Variants in RAB31 observed in about 807,000 individuals in gnomAD.
The protein encoded by RAB31 is RAB31, member RAS oncogene family.
In RAB31, 21 loss-of-function variants were observed where a neutral mutation model predicts 25.6. That is an observed-to-expected ratio of 0.82 (90% CI 0.58 to 1.18). RAB31 has a LOEUF of 1.18. RAB31 is among the 50% of genes most tolerant of loss of function. RAB31 has a pLI of 0.00. For synonymous variants in RAB31, 87 were observed against 84.0 expected (o/e 1.04, Z -0.20); for missense variants, 196 against 250.1 (o/e 0.78, Z 1.46).
chr18:9,848,952 A>G (rs554605554), intron 6 of RAB31, among the ~76,000 whole-genome samples: 2 of 152,308 alleles, frequency 1.3e-5, no homozygotes, highest in East Asian at 3.9e-4. Context: ...GCTACCCTGT[A>G]AAGGATTTAG....
rs2068319385 is a variant in RAB31, at chr18:9,766,949, C to T, written c.40-8329C>T. 6.6e-6 allele frequency among the ~76,000 whole-genome samples: 1 copy of T among 152,086 alleles called. No individual in the cohort carries two copies. The highest frequency in any genetic ancestry group is 6.6e-5 in the Admixed American group (1 of 15,258). On this transcript the variant is annotated intron_variant, in intron 1 of 6. Transcript: ENST00000578921. This position sits in a 1 kb window ranked among gnomAD's most constrained non-coding sequence, Gnocchi z 4.3. Reference sequence around the variant, plus strand: ...TCCAGCCTGGGTGACAGAGTGAGATCTTGTCTCAAAACAAACAAACAAAAC... The same window carrying T: ...TCCAGCCTGGGTGACAGAGTGAGATTTTGTCTCAAAACAAACAAACAAAAC...
intron 3 of RAB31, among the ~76,000 whole-genome samples, chr18:9,807,126 C>T (rs553631610): frequency 4.6e-5 from 7 of 152,272 alleles, no homozygotes; most frequent in African/African-American, 9.6e-5. Flanking sequence ...GTCTGAAGGC[C>T]GTGCTGGCTA....
At chr18:9,789,666 G>T (rs1232222651) in intron 2 of RAB31, among the ~76,000 whole-genome samples, 10 of 152,066 alleles carry the variant, frequency 6.6e-5, no homozygotes, top group Non-Finnish European at 1.0e-4. Context: ...TTTCTTTCTG[G>T]TTTTTTGAAT....
chr18:9,719,806 G>C (rs1204485923), intron 1 of RAB31, among the ~76,000 whole-genome samples: 1 of 152,096 alleles, frequency 6.6e-6, no homozygotes, highest in Non-Finnish European at 1.5e-5. Flanking sequence ...GGCATCCAAG[G>C]CTTCGCTTTT....
intron 2 of RAB31, among the ~76,000 whole-genome samples, chr18:9,789,978 C>G (rs1489829384): frequency 6.6e-6 from 1 of 151,994 alleles, no homozygotes; most frequent in Non-Finnish European, 1.5e-5. Flanking sequence ...GGTAGTTGGC[C>G]TCTTATTCTT....
chr18:9,718,922 C>G (rs546622285), intron 1 of RAB31, among the ~76,000 whole-genome samples: 5 of 151,986 alleles, frequency 3.3e-5, no homozygotes, highest in African/African-American at 9.7e-5. Context: ...TTTCAACATA[C>G]AAATTTTGGG....
chr18:9,852,120 G>A (rs1961169816), intron 6 of RAB31, among the ~76,000 whole-genome samples: 1 of 152,042 alleles, frequency 6.6e-6, no homozygotes, highest in African/African-American at 2.4e-5. Flanking sequence ...ATATACACAA[G>A]TGCACTGAAT....
chr18:9,776,948 G>A (rs2068375152), intron 2 of RAB31, among the ~76,000 whole-genome samples: 1 of 152,058 alleles, frequency 6.6e-6, no homozygotes, highest in South Asian at 2.1e-4. Context: ...GACGCTCAAA[G>A]GTAATACTCA....
At chr18:9,847,173 A>C (rs370216525) in intron 6 of RAB31, among the ~76,000 whole-genome samples, 1 of 152,232 alleles carries the variant, frequency 6.6e-6, no homozygotes, top group East Asian at 1.9e-4. Flanking sequence ...AACTCATTAC[A>C]TTAGCCTCAC....
intron 2 of RAB31, chr18:9,786,634 AC>A: frequency 6.6e-6 from 1 of 151,882 alleles, no homozygotes; most frequent in Non-Finnish European, 1.5e-5. Context: ...TGGTGGGAGA[AC>A]CCCCCACAGA....
rs559163617 is a variant in RAB31 at position 9,861,764 on chromosome 18, G to C, written c.*2439G>C. On this transcript the variant is annotated 3_prime_UTR_variant, in exon 7 of 7. Transcript: ENST00000578921. ...TCCTTCTCCCTTTTTTTTTTCTTTCGTGTGTGGCATGAGTGTGTATCTGTG... is the reference window on the plus strand; with the variant it reads ...TCCTTCTCCCTTTTTTTTTTCTTTCCTGTGTGGCATGAGTGTGTATCTGTG... 7 of 149,268 alleles carry C rather than the reference G, an allele frequency of 4.7e-5. No individual in the cohort carries two copies. Among genetic ancestry groups the C allele is most frequent in the Non-Finnish European group, 1.0e-4 (7 of 67,452 alleles). 9.2% of individuals were successfully genotyped at this position (149,268 alleles called of 1,614,324 possible).
chr18:9,793,798 T>G (rs2068473595), intron 3 of RAB31, among the ~76,000 whole-genome samples: 2 of 152,250 alleles, frequency 1.3e-5, no homozygotes, highest in Admixed American at 6.5e-5. Flanking sequence ...GAATTTTCCC[T>G]TGTCTGATCC....
chr18:9,846,601 T>C lies in RAB31; in HGVS notation c.490+910T>C, dbSNP rs78685997. Reference sequence around the variant, plus strand: ...AAACAGTAATTGTCCTCAAATATCTTAGCTCCAGACAACTCCAGAAGGGAA... The same window carrying C: ...AAACAGTAATTGTCCTCAAATATCTCAGCTCCAGACAACTCCAGAAGGGAA... On this transcript the variant is annotated intron_variant, in intron 6 of 6. Coordinates refer to ENST00000578921, the MANE Select transcript of RAB31 (RefSeq NM_006868.4). 4.9e-4 allele frequency among the ~76,000 whole-genome samples: 74 copies of C among 152,328 alleles called. 1 individual carries two copies. The East Asian group carries it at 0.013, about 26-fold the overall frequency.
At chr18:9,755,814 C>T (rs1436534895) in intron 1 of RAB31, among the ~76,000 whole-genome samples, 1 of 152,196 alleles carries the variant, frequency 6.6e-6, no homozygotes, top group Middle Eastern at 3.2e-3. Flanking sequence ...CCTCAGGAGG[C>T]CTGGACAATG....
At chr18:9,807,011 A>G (rs1470149244) in intron 3 of RAB31, among the ~76,000 whole-genome samples, 1 of 152,200 alleles carries the variant, frequency 6.6e-6, no homozygotes, top group South Asian at 2.1e-4. Context: ...TTTGGAGCTC[A>G]CTGGATATCT....
At chr18:9,847,294 C>T (rs1397887368) in intron 6 of RAB31, among the ~76,000 whole-genome samples, 1 of 152,218 alleles carries the variant, frequency 6.6e-6, no homozygotes, top group African/African-American at 2.4e-5. Flanking sequence ...AGCTAGATAG[C>T]TCCTGAGGAC....
intron 1 of RAB31, among the ~76,000 whole-genome samples, chr18:9,725,193 A>G (rs1456748733): frequency 6.6e-6 from 1 of 152,214 alleles, no homozygotes; most frequent in Admixed American, 6.5e-5. Flanking sequence ...CACAGATCCC[A>G]GAATGCCATT....
chr18:9,748,637 A>G (rs2068217863), intron 1 of RAB31, among the ~76,000 whole-genome samples: 1 of 152,162 alleles, frequency 6.6e-6, no homozygotes, highest in Admixed American at 6.5e-5. Context: ...TCATGCCTGT[A>G]ATCCCAGCAC....
intron 3 of RAB31, among the ~76,000 whole-genome samples, chr18:9,811,861 A>G (rs1360100807): frequency 6.6e-6 from 1 of 152,250 alleles, no homozygotes; most frequent in African/African-American, 2.4e-5. Flanking sequence ...ATAAATAAAA[A>G]TCATCATTTT....
Sources: gnomAD v4.1 joint callset for allele counts (sites outside exome capture counted in the v4.1 genomes callset) on GRCh38, gnomAD v4.1.1 for gene constraint, Gnocchi (gnomAD v3.1) non-coding constraint, MANE v1.5 for transcripts, NCBI Gene and HGNC (gene_info 2026-07-23, HGNC 2026-07-21) for gene names.